Variants in ZNF892 observed in about 807,000 individuals in gnomAD.
ZNF892 encodes zinc finger protein 570-like.
chr2:95,262,909 C>G, the ZNF892 span, among the ~76,000 whole-genome samples: 1 of 152,160 alleles, frequency 6.6e-6, no homozygotes, highest in Non-Finnish European at 1.5e-5. Flanking sequence ...AATCAACAAA[C>G]CTATTATAGG....
the ZNF892 span, among the ~76,000 whole-genome samples, chr2:95,245,717 G>A: frequency 6.6e-6 from 1 of 151,734 alleles, no homozygotes; most frequent in African/African-American, 2.4e-5. Flanking sequence ...TACAAACAAC[G>A]ATCAAGAATA....
chr2:95,214,334 A>G, the ZNF892 span: 2 of 398,344 alleles, frequency 5.0e-6, no homozygotes, highest in Non-Finnish European at 8.9e-6. Context: ...TGCTTATTTC[A>G]GACTGGGAAA....
the ZNF892 span, among the ~76,000 whole-genome samples, chr2:95,249,527 G>A: frequency 5.9e-5 from 9 of 151,638 alleles, 1 homozygote; most frequent in East Asian, 9.7e-4. Context: ...GATTACAGGC[G>A]TGAGTCACAG....
At chr2:95,245,742 A>T in the ZNF892 span, among the ~76,000 whole-genome samples, 1 of 152,186 alleles carries the variant, frequency 6.6e-6, no homozygotes. Flanking sequence ...AAACAGTTCT[A>T]TGCACATAAA....
chr2:95,214,220 C>T, the ZNF892 span: 1 of 396,420 alleles, frequency 2.5e-6, no homozygotes, highest in Non-Finnish European at 4.4e-6. Flanking sequence ...CATGTGTTCC[C>T]TGTAAATATT....
chr2:95,236,881 T>G, the ZNF892 span, among the ~76,000 whole-genome samples: 2 of 152,240 alleles, frequency 1.3e-5, no homozygotes, highest in Non-Finnish European at 2.9e-5. Flanking sequence ...ACTGATTATA[T>G]GGACACTAAG....
At chr2:95,250,753 TAA>T in the ZNF892 span, among the ~76,000 whole-genome samples, 1 of 144,904 alleles carries the variant, frequency 6.9e-6, no homozygotes, top group Non-Finnish European at 1.5e-5. Context: ...AAAATATCCA[TAA>T]ATTATAAATT....
At chr2:95,214,900 G>T in the ZNF892 span, 1 of 504,422 alleles carries the variant, frequency 2.0e-6, no homozygotes. Flanking sequence ...TTCAGTCACC[G>T]CTCAGCCCTT....
chr2:95,256,752 T>C, the ZNF892 span, among the ~76,000 whole-genome samples: 2 of 152,252 alleles, frequency 1.3e-5, no homozygotes, highest in Non-Finnish European at 2.9e-5. Context: ...CCCATATTTC[T>C]TGGAGGCTTT....
At chr2:95,244,494 C>T in the ZNF892 span, among the ~76,000 whole-genome samples, 1 of 152,074 alleles carries the variant, frequency 6.6e-6, no homozygotes, top group African/African-American at 2.4e-5. Context: ...ACCAAAAGAG[C>T]TATTATAAAT....
chr2:95,255,331 T>C, the ZNF892 span, among the ~76,000 whole-genome samples: 2 of 152,256 alleles, frequency 1.3e-5, no homozygotes, highest in African/African-American at 2.4e-5. Flanking sequence ...TTCATTTCGT[T>C]ACATACCCAG....
chr2:95,245,338 C>G, the ZNF892 span, among the ~76,000 whole-genome samples: 1 of 149,770 alleles, frequency 6.7e-6, no homozygotes, highest in South Asian at 2.1e-4. Context: ...GCAAGCTCCG[C>G]CTCACGGGTT....
the ZNF892 span, among the ~76,000 whole-genome samples, chr2:95,254,018 A>G: frequency 6.6e-6 from 1 of 152,232 alleles, no homozygotes; most frequent in Non-Finnish European, 1.5e-5. Context: ...CAATCATGTC[A>G]TCTGCAAACA....
chr2:95,226,737 A>G, the ZNF892 span, among the ~76,000 whole-genome samples: 1 of 152,172 alleles, frequency 6.6e-6, no homozygotes, highest in Admixed American at 6.5e-5. Context: ...CCCCATTCCC[A>G]ACTCTCATCA....
the ZNF892 span, among the ~76,000 whole-genome samples, chr2:95,207,189 C>CA: frequency 6.6e-6 from 1 of 152,230 alleles, no homozygotes; most frequent in African/African-American, 2.4e-5. Flanking sequence ...CACCGCCGGG[C>CA]GCCTCCCCTC....
At chr2:95,259,702 C>T in the ZNF892 span, 3 of 152,228 alleles carry the variant, frequency 2.0e-5, no homozygotes, top group African/African-American at 4.8e-5. Flanking sequence ...TGTTATGATC[C>T]GATGGCTTCA....
the ZNF892 span, among the ~76,000 whole-genome samples, chr2:95,210,969 G>C: frequency 2.6e-5 from 4 of 152,082 alleles, no homozygotes; most frequent in Non-Finnish European, 4.4e-5. Context: ...GTGTAAAGGG[G>C]CTAACGGGAA....
At chr2:95,216,524 T>G in the ZNF892 span, among the ~76,000 whole-genome samples, 2 of 152,230 alleles carry the variant, frequency 1.3e-5, no homozygotes, top group East Asian at 3.8e-4. Context: ...GTTGTAGATT[T>G]GCACTGACAC....
At chr2:95,208,169 G>C in the ZNF892 span, among the ~76,000 whole-genome samples, 1 of 152,224 alleles carries the variant, frequency 6.6e-6, no homozygotes, top group Non-Finnish European at 1.5e-5. Flanking sequence ...AGGGATTTGA[G>C]AAGTCACGGA....
Sources: allele counts gnomAD v4.1 joint callset (sites outside exome capture counted in the v4.1 genomes callset), GRCh38; gene constraint gnomAD v4.1.1; transcripts MANE v1.5; gene names NCBI Gene and HGNC (gene_info 2026-07-23, HGNC 2026-07-21).